C8orf33: variants seen among roughly 807,000 people sequenced by gnomAD.
The protein encoded by C8orf33 is UPF0488 protein C8orf33.
A neutral mutation model predicts 25.7 loss-of-function variants in C8orf33; 28 were observed. That is an observed-to-expected ratio of 1.09 (90% confidence interval 0.81 to 1.49). C8orf33 has a LOEUF of 1.49. C8orf33 is among the 40% of genes most tolerant of loss of function. The probability of loss-of-function intolerance (pLI) is 0.00; values close to 1 mark genes in which losing one functional copy is unlikely to be tolerated. For missense variants in C8orf33, 369 were observed against 294.4 expected, an observed-to-expected ratio of 1.25 and a Z score of -1.85; for synonymous variants, 153 against 115.9, an observed-to-expected ratio of 1.32 and a Z score of -2.06.
In C8orf33 at chr8:145,052,845, A is replaced by G; in HGVS notation, c.266A>G (p.Lys89Arg). 1 of 1,613,888 alleles carries G rather than the reference A, an allele frequency of 6.2e-7. No individual in the cohort carries two copies. The highest frequency in any genetic ancestry group is 1.1e-5 in the South Asian group (1 of 91,086). The change falls in exon 2 of 5, where the codon AAG (lysine) becomes AGG (arginine). Residue 89 changes from lysine (K) to arginine (R), a missense_variant. By Grantham distance (26) the Lys-to-Arg change is conservative. Transcript: ENST00000331434. ...GCCTCTGTGGCAAATGGAGGCGAGA[A>G]GGCCTCAGAGAAACTCGCCCCAGAA... Reference protein sequence around the residue: ...NRASVANGGEKASEKLAPEEV... With the variant: ...NRASVANGGERASEKLAPEEV...
chr8:145,052,926 G>GGAATCCACGGGTGC (rs146457143), intron 2 of C8orf33, 29 bp downstream of exon 2: 1 of 1,602,698 alleles, frequency 6.2e-7, no homozygotes, highest in Non-Finnish European at 8.5e-7. Context: ...CGGGAAGGGT[G>GGAATCCACGGGTGC]GAATCCACGG....
At chr8:145,053,633 C>T in intron 4 of C8orf33, 190 bp downstream of exon 4, 1 of 641,756 alleles carries the variant, frequency 1.6e-6, no homozygotes, top group Non-Finnish European at 2.6e-6. Flanking sequence ...ACCTGGGAAG[C>T]AGCGGGGAGG....
rs1286395728 is a variant in C8orf33, at chr8:145,054,614, T to A, written c.*457T>A. 1.3e-5 allele frequency: 2 copies of A among 156,028 alleles called. No individual in the cohort carries two copies. Among genetic ancestry groups the A allele is most frequent in the Non-Finnish European group, 2.8e-5 (2 of 70,682 alleles). The allele number at this position is 156,028 out of a possible 1,614,324, so 9.7% of individuals were successfully genotyped here. A position where few individuals can be genotyped will look rare whatever the true frequency, so the allele number is the denominator to read the frequency against. The stretch of plus-strand genomic sequence containing the variant: ...AATCTCTATTTTTGATAAAATTGGA[T>A]AAGGAGTGAAAGAGTATGCTGACCA... On this transcript the variant is annotated 3_prime_UTR_variant, in exon 5 of 5. Coordinates refer to ENST00000331434, the MANE Select transcript of C8orf33 (RefSeq NM_023080.3).
rs761826232 is a variant in C8orf33 at position 145,053,321 on chromosome 8, G to A, written c.428G>A (p.Arg143Gln). The change falls in exon 4 of 5, where the codon CGA becomes CAA. Residue 143 changes from arginine to glutamine, a missense_variant. Coordinates refer to ENST00000331434, the MANE Select transcript of C8orf33 (RefSeq NM_023080.3). ...KQKEQAIGAI[R>Q]TLRSKRTPLP... The stretch of plus-strand genomic sequence containing the variant: ...GAAGAGCAGGCTATTGGAGCAATCC[G>A]AACCCTGCGCAGCAAAAGAACGCCC... The A allele has an allele frequency of 3.1e-6, 5 of 1,614,048 alleles. No individual in the cohort carries two copies. The highest frequency in any genetic ancestry group is 2.2e-5 in the East Asian group (1 of 44,906).
rs1158049304 is a variant in C8orf33, at chr8:145,053,975, G to C, written c.551-43G>C. 10 of 1,601,378 alleles carry C rather than the reference G, an allele frequency of 6.2e-6. No individual in the cohort carries two copies. The South Asian group carries it at 6.6e-5, about 11-fold the overall frequency. ...CATAACTGTACAGGTAATGTTAATT[G>C]TTATTATTCAGTTCTGACATACGCT... On this transcript the variant is annotated intron_variant, in intron 4 of 4. Coordinates refer to ENST00000331434, the MANE Select transcript of C8orf33 (RefSeq NM_023080.3).
rs1306616677 is a variant in C8orf33, at chr8:145,054,163, C to T, written c.*6C>T. 2.5e-6 allele frequency: 4 copies of T among 1,613,734 alleles called. No homozygotes were observed. The highest frequency in any genetic ancestry group is 1.7e-4 in the Middle Eastern group (1 of 5,980). On this transcript the variant is annotated 3_prime_UTR_variant, in exon 5 of 5. Coordinates refer to ENST00000331434, the MANE Select transcript of C8orf33 (RefSeq NM_023080.3). The stretch of plus-strand genomic sequence containing the variant: ...TTAGGTTCAATTTCTTTTAGCGTCT[C>T]CCCGAACCTGAAACAATCCCCCTCC...
chr8:145,053,993 C>A, intron 4 of C8orf33, 25 bp from the exon 5 acceptor site: 1 of 1,611,474 alleles, frequency 6.2e-7, no homozygotes, highest in Non-Finnish European at 8.5e-7. Context: ...TCAGTTCTGA[C>A]ATACGCTGCT....
chr8:145,053,160 C>G lies in C8orf33; in HGVS notation c.403+14C>G. 1 of 1,614,070 alleles carries G rather than the reference C, an allele frequency of 6.2e-7. No homozygotes were observed. Among genetic ancestry groups the G allele is most frequent in the Non-Finnish European group, 8.5e-7 (1 of 1,179,910 alleles). Reference sequence around the variant, plus strand: ...CCCCGAAACAGAGTAAGGGACCCTTCTGTAGAGCTGGGGGATGTGAACAGT... The same window carrying G: ...CCCCGAAACAGAGTAAGGGACCCTTGTGTAGAGCTGGGGGATGTGAACAGT... On this transcript the variant is annotated intron_variant, in intron 3 of 4. Coordinates refer to ENST00000331434, the MANE Select transcript of C8orf33 (RefSeq NM_023080.3).
chr8:145,052,711 C>G lies in C8orf33; in HGVS notation c.132C>G (p.Cys44Trp), dbSNP rs1835293804. 6.2e-7 allele frequency: 1 copy of G among 1,614,054 alleles called. No individual in the cohort carries two copies. Among genetic ancestry groups the G allele is most frequent in the Non-Finnish European group, 8.5e-7 (1 of 1,180,038 alleles). Residue 44 changes from cysteine (C) to tryptophan (W), a missense_variant, in exon 2 of 5, where the codon TGC becomes TGG. Cys to Trp is a radical substitution (Grantham distance 215, BLOSUM62 -2). Coordinates refer to ENST00000331434, the MANE Select transcript of C8orf33 (RefSeq NM_023080.3). ...GGAATCCTTCCACTGTCTGTCTCTG[C>G]CCAGAGCAACCTACGTGCAGTAACG... is the stretch of plus-strand genomic sequence containing the variant. ...SARNPSTVCL[C>W]PEQPTCSNAD...
At chr8:145,053,594 G>A in intron 4 of C8orf33, 151 bp downstream of exon 4, 2 of 755,066 alleles carry the variant, frequency 2.6e-6, no homozygotes, top group Non-Finnish European at 4.2e-6. Context: ...CAGAAAGCGT[G>A]GACCTCTCTT....
rs1835324060 is a variant in C8orf33 at position 145,054,265 on chromosome 8, T to G, written c.*108T>G. On this transcript the variant is annotated 3_prime_UTR_variant, in exon 5 of 5. Transcript: ENST00000331434. ...TGTTGTCAGAGAACCCTGGAGTTGG[T>G]CTGTCCCTGGCTGGTCCAAGGATTT... The G allele has an allele frequency of 7.5e-7, 1 of 1,330,080 alleles. No individual in the cohort carries two copies. Among genetic ancestry groups the G allele is most frequent in the Non-Finnish European group, 1.0e-6 (1 of 962,468 alleles). The allele number at this position is 1,330,080 out of a possible 1,614,324, so 82.4% of individuals were successfully genotyped here. A position where few individuals can be genotyped will look rare whatever the true frequency, so the allele number is the denominator to read the frequency against.
In C8orf33 at chr8:145,052,878, C is replaced by G. The variant is rs780553191; in HGVS notation, c.299C>G (p.Pro100Arg). ...GAGAAACTCGCCCCAGAAGAAGTTCCCCTAAGCGCTGAGGCCCAGGCAAGG... is the reference window on the plus strand; with the variant it reads ...GAGAAACTCGCCCCAGAAGAAGTTCGCCTAAGCGCTGAGGCCCAGGCAAGG... ...ASEKLAPEEV[P>R]LSAEAQAQQL... Residue 100 changes from proline to arginine, a missense_variant, in exon 2 of 5, where the codon CCC becomes CGC. Coordinates refer to ENST00000331434, the MANE Select transcript of C8orf33 (RefSeq NM_023080.3). The G allele has an allele frequency of 2.5e-6, 4 of 1,612,804 alleles. No individual in the cohort carries two copies. Among genetic ancestry groups the G allele is most frequent in the Admixed American group, 1.7e-5 (1 of 59,778 alleles).
Position 145,054,488 on chromosome 8 carries a change from AG to A in C8orf33, c.*332del. 1 of 220,172 alleles carries A rather than the reference AG, an allele frequency of 4.5e-6. No homozygotes were observed. The highest frequency in any genetic ancestry group is 9.0e-6 in the Non-Finnish European group (1 of 110,538). The allele number at this position is 220,172 out of a possible 1,614,324, so 13.6% of individuals were successfully genotyped here. A position where few individuals can be genotyped will look rare whatever the true frequency, so the allele number is the denominator to read the frequency against. ...TAGATTAAGTGGCTGTTGGTAACAA[AG>A]ATTAGTGGAGAAGCTGTATAATCGT... On this transcript the variant is annotated 3_prime_UTR_variant, in exon 5 of 5. Coordinates refer to ENST00000331434, the MANE Select transcript of C8orf33 (RefSeq NM_023080.3).
chr8:145,055,671 C>G lies in C8orf33; in HGVS notation c.*1514C>G, dbSNP rs949015494. On this transcript the variant is annotated 3_prime_UTR_variant, in exon 5 of 5. Transcript: ENST00000331434. ...AGGCCTGTCTCCCTGTGATGCTGTG[C>G]TTCAGTGGTCACGCTCCTAGTCCGC... 1 of 153,322 alleles carries G rather than the reference C, an allele frequency of 6.5e-6. No homozygotes were observed. Among genetic ancestry groups the G allele is most frequent in the Non-Finnish European group, 1.5e-5 (1 of 68,820 alleles). The allele number at this position is 153,322 out of a possible 1,614,324, so 9.5% of individuals were successfully genotyped here.
rs1324883226 is a variant in C8orf33 at position 145,053,456 on chromosome 8, C to T, written c.550+13C>T. On this transcript the variant is annotated intron_variant, in intron 4 of 4. Coordinates refer to ENST00000331434, the MANE Select transcript of C8orf33 (RefSeq NM_023080.3). ...GCTCTCAGAGCTGGTGAGGAGCTAGCCACTGGTTGATTCAGGAAGGCCTAA... is the reference window on the plus strand; with the variant it reads ...GCTCTCAGAGCTGGTGAGGAGCTAGTCACTGGTTGATTCAGGAAGGCCTAA... 2.5e-6 allele frequency: 4 copies of T among 1,613,186 alleles called. No individual in the cohort carries two copies. The highest frequency in any genetic ancestry group is 3.4e-6 in the Non-Finnish European group (4 of 1,179,702).
chr8:145,053,962 G>A lies in C8orf33; in HGVS notation c.551-56G>A. ...TTGTATGGGCAAACATAACTGTACA[G>A]GTAATGTTAATTGTTATTATTCAGT... On this transcript the variant is annotated intron_variant, in intron 4 of 4. Transcript: ENST00000331434. 1.3e-6 allele frequency: 2 copies of A among 1,577,868 alleles called. 1 individual carries two copies.
Position 145,052,895 on chromosome 8 carries a change from C to G in C8orf33, c.316C>G (p.Gln106Glu). Residue 106 changes from glutamine to glutamate, a missense_variant and splice_region_variant, in exon 2 of 5, where the codon CAG becomes GAG. Physicochemically the swap from Gln to Glu is conservative, Grantham distance 29. Transcript: ENST00000331434. ...PEEVPLSAEA[Q>E]AQQLAQELAW... ...AGAAGTTCCCCTAAGCGCTGAGGCC[C>G]AGGCAAGGGCGGGCTTCGGTCGGGA... The G allele has an allele frequency of 6.2e-7, 1 of 1,610,942 alleles. No individual in the cohort carries two copies. The highest frequency in any genetic ancestry group is 8.5e-7 in the Non-Finnish European group (1 of 1,178,558).
chr8:145,053,938 T>A, intron 4 of C8orf33, 80 bp from the exon 5 acceptor site: 1 of 1,491,972 alleles, frequency 6.7e-7, no homozygotes, highest in Non-Finnish European at 9.1e-7. Flanking sequence ...TGGTTAGAAT[T>A]GTATGGGCAA....
Position 145,052,569 on chromosome 8 carries a change from T to C in C8orf33, c.7-17T>C, listed in dbSNP as rs756603502. The C allele has an allele frequency of 2.5e-6, 4 of 1,602,160 alleles. No homozygotes were observed. The highest frequency in any genetic ancestry group is 1.7e-4 in the Middle Eastern group (1 of 6,024). The stretch of plus-strand genomic sequence containing the variant: ...TGGCGGCTCTCGGTGACCCTCGTGC[T>C]ACCCCCCTTTCTCCAGGCCCTGGGA... On this transcript the variant is annotated splice_polypyrimidine_tract_variant and intron_variant, in intron 1 of 4. Coordinates refer to ENST00000331434, the MANE Select transcript of C8orf33 (RefSeq NM_023080.3).
Sources: allele counts gnomAD v4.1 joint callset, GRCh38; gene constraint gnomAD v4.1.1; transcripts MANE v1.5; gene names NCBI Gene and HGNC (gene_info 2026-07-23, HGNC 2026-07-21).